Variants in PKHD1 observed in about 807,000 individuals in gnomAD.
The protein encoded by PKHD1 is fibrocystin.
A neutral mutation model predicts 412.0 loss-of-function variants in PKHD1; 291 were observed. The observed-to-expected ratio is 0.71, with a 90% CI of 0.64 to 0.78. The LOEUF is 0.78. PKHD1 is among the 30% of genes least tolerant of loss of function. PKHD1 has a pLI of 0.00. For synonymous variants in PKHD1, 1,777 were observed against 1,821.5 expected (o/e 0.98, Z 0.62); for missense variants, 4,825 against 4,950.7 (o/e 0.97, Z 0.76).
At chr6:51,985,222 A>T (rs1176412091) in intron 35 of PKHD1, among the ~76,000 whole-genome samples, 1 of 152,258 alleles carries the variant, frequency 6.6e-6, no homozygotes. Flanking sequence ...ATGTGGAAAG[A>T]TAAATGTGGA....
At chr6:51,843,805 G>A (rs1251895106) in intron 50 of PKHD1, among the ~76,000 whole-genome samples, 1 of 150,540 alleles carries the variant, frequency 6.6e-6, no homozygotes, top group Non-Finnish European at 1.5e-5. Flanking sequence ...GTAGCTCCTT[G>A]GGCAAAATTC....
At chr6:51,682,740 C>T (rs1174102592) in intron 60 of PKHD1, among the ~76,000 whole-genome samples, 1 of 151,918 alleles carries the variant, frequency 6.6e-6, no homozygotes, top group Non-Finnish European at 1.5e-5. Flanking sequence ...GAAGGGAAAG[C>T]CTAGGGGAGT....
At chr6:51,828,809 A>G (rs1017555501) in intron 52 of PKHD1, among the ~76,000 whole-genome samples, 42 of 152,072 alleles carry the variant, frequency 2.8e-4, no homozygotes, top group African/African-American at 9.7e-4. Flanking sequence ...GAGACCCATC[A>G]GAGGTCAAAA....
intron 37 of PKHD1, among the ~76,000 whole-genome samples, chr6:51,930,800 C>T (rs757702744): frequency 1.2e-4 from 19 of 152,178 alleles, no homozygotes; most frequent in Non-Finnish European, 2.4e-4. Context: ...TTTGTAACCA[C>T]GCCCAGGAAT....
chr6:51,766,490 ACT>A (rs1006202162), intron 55 of PKHD1, among the ~76,000 whole-genome samples: 24 of 152,232 alleles, frequency 1.6e-4, no homozygotes, highest in Middle Eastern at 6.8e-3. Context: ...GTATTCCATT[ACT>A]GTTTTAATTA....
chr6:51,772,241 A>T (rs1392015044), intron 55 of PKHD1, among the ~76,000 whole-genome samples: 1 of 151,926 alleles, frequency 6.6e-6, no homozygotes. Flanking sequence ...CATTTTACCT[A>T]TTCTTTGAGG....
At chr6:52,074,772 T>A (rs1470204319) in intron 6 of PKHD1, among the ~76,000 whole-genome samples, 4 of 152,188 alleles carry the variant, frequency 2.6e-5, no homozygotes, top group Admixed American at 2.6e-4. Context: ...TCTCCCTGGC[T>A]GCTACACTGG....
At chr6:52,014,500 CATGG>C (rs559212704) in intron 34 of PKHD1, among the ~76,000 whole-genome samples, 7 of 151,682 alleles carry the variant, frequency 4.6e-5, no homozygotes, top group Non-Finnish European at 8.8e-5. Flanking sequence ...ATGGATGGAT[CATGG>C]ATGGATGGAT....
In PKHD1 at chr6:51,791,701, T is replaced by C. The variant is rs2104521; in HGVS notation, c.8303-328A>G. ...ACCCTTTGTCCTGTCTCTTCACTTT[T>C]GGCTCTAGTTTCAGGGATGTACAGA... On this transcript the variant is annotated intron_variant, in intron 52 of 66. Transcript: ENST00000371117. Among the ~76,000 whole-genome samples the C allele has an allele frequency of 0.59, 89,329 of 152,070 alleles. 26,984 individuals carry two copies. The highest frequency in any genetic ancestry group is 0.83 in the East Asian group (4,299 of 5,182).
intron 60 of PKHD1, among the ~76,000 whole-genome samples, chr6:51,703,917 T>C (rs1467750013): frequency 2.6e-5 from 4 of 152,040 alleles, no homozygotes; most frequent in African/African-American, 9.7e-5. Flanking sequence ...TCTACTGTTT[T>C]GGAGGGAATG....
intron 40 of PKHD1, among the ~76,000 whole-genome samples, chr6:51,908,531 A>T (rs574154045): frequency 3.9e-5 from 6 of 152,220 alleles, no homozygotes; most frequent in African/African-American, 1.4e-4. Flanking sequence ...CTGCACCCCC[A>T]TTCTGTGATT....
At chr6:51,834,401 A>G (rs1768815593) in intron 51 of PKHD1, among the ~76,000 whole-genome samples, 1 of 152,166 alleles carries the variant, frequency 6.6e-6, no homozygotes, top group South Asian at 2.1e-4. Flanking sequence ...TTATATGACC[A>G]TGGACAATAT....
chr6:52,022,101 G>A (rs573538826), intron 33 of PKHD1, among the ~76,000 whole-genome samples: 78 of 152,262 alleles, frequency 5.1e-4, no homozygotes, highest in Non-Finnish European at 8.8e-4. Flanking sequence ...TTTATTTCCT[G>A]AAGCTCAGTG....
chr6:51,710,213 C>T (rs537791076), intron 60 of PKHD1, among the ~76,000 whole-genome samples: 4 of 150,314 alleles, frequency 2.7e-5, no homozygotes, highest in Admixed American at 6.6e-5. Flanking sequence ...CCATCTCAAC[C>T]AAAAAAAAAT....
At chr6:51,925,613 G>A (rs561440967) in intron 37 of PKHD1, among the ~76,000 whole-genome samples, 6 of 152,190 alleles carry the variant, frequency 3.9e-5, no homozygotes, top group African/African-American at 7.2e-5. Flanking sequence ...GAAGTAACTT[G>A]AACTGAGACA....
chr6:51,643,184 A>G (rs1349374840), intron 63 of PKHD1, among the ~76,000 whole-genome samples: 1 of 152,196 alleles, frequency 6.6e-6, no homozygotes, highest in Non-Finnish European at 1.5e-5. Context: ...AATGAACAGA[A>G]TGACAGCATC....
chr6:51,935,186 T>C (rs902461472), intron 36 of PKHD1, among the ~76,000 whole-genome samples: 3 of 152,248 alleles, frequency 2.0e-5, no homozygotes, highest in Non-Finnish European at 4.4e-5. Context: ...AGTTGGGTTC[T>C]CTTATTGGCA....
At chr6:51,626,009 T>C (rs1278348205) in intron 66 of PKHD1, among the ~76,000 whole-genome samples, 2 of 152,078 alleles carry the variant, frequency 1.3e-5, no homozygotes, top group African/African-American at 2.4e-5. Context: ...GGCTAACTAA[T>C]ACGATGGGAA....
intron 55 of PKHD1, among the ~76,000 whole-genome samples, chr6:51,755,512 T>G (rs1411362866): frequency 6.6e-6 from 1 of 152,208 alleles, no homozygotes; most frequent in East Asian, 1.9e-4. Flanking sequence ...ATATTTGTAC[T>G]TTCTGTCTTC....
Sources: allele counts gnomAD v4.1 joint callset (sites outside exome capture counted in the v4.1 genomes callset), GRCh38; gene constraint gnomAD v4.1.1; transcripts MANE v1.5; gene names NCBI Gene and HGNC (gene_info 2026-07-23, HGNC 2026-07-21).